EMC1: variants seen among roughly 807,000 people sequenced by gnomAD.
EMC1 encodes the protein ER membrane protein complex subunit 1.
In EMC1, 103 loss-of-function variants were observed where a neutral mutation model predicts 128.8. The observed-to-expected ratio is 0.80, with a 90% confidence interval of 0.68 to 0.94. EMC1 has a LOEUF of 0.94. Among genes scored for constraint, EMC1 ranks in the 40% least tolerant of loss-of-function variants. The probability of loss-of-function intolerance (pLI) is 0.00; values close to 1 mark genes in which losing one functional copy is unlikely to be tolerated. For synonymous variants in EMC1, 442 were observed against 490.4 expected (o/e 0.90, Z 1.30); for missense variants, 1,083 against 1,250.6 (o/e 0.87, Z 2.02).
chr1:19,246,000 T>C (rs2093630455), intron 1 of EMC1, among the ~76,000 whole-genome samples: 1 of 152,070 alleles, frequency 6.6e-6, no homozygotes, highest in South Asian at 2.1e-4. Context: ...GTGAGGCTAA[T>C]AATTTTCTCG....
rs932468087 is a variant in EMC1 at position 19,218,640 on chromosome 1, T to C, written c.*663A>G. On this transcript the variant is annotated 3_prime_UTR_variant, in exon 23 of 23. Coordinates refer to ENST00000477853, the MANE Select transcript of EMC1 (RefSeq NM_015047.3). ...TAGTATGCACTTGGCTTCTGATAAA[T>C]TGAAACAAAGATTTGGTGGCCCAGC... 1 of 150,496 alleles carries C rather than the reference T, an allele frequency of 6.6e-6. No homozygotes were observed. The highest frequency in any genetic ancestry group is 1.5e-5 in the Non-Finnish European group (1 of 67,018). The allele number at this position is 150,496 out of a possible 1,614,324, so 9.3% of individuals were successfully genotyped here. A position where few individuals can be genotyped will look rare whatever the true frequency, so the allele number is the denominator to read the frequency against.
intron 8 of EMC1, chr1:19,239,551 C>T (rs2093590882): frequency 1.7e-6 from 1 of 585,682 alleles, no homozygotes; most frequent in Admixed American, 3.1e-5. Flanking sequence ...TTCTTACTAT[C>T]TATGGGGAAG....
intron 20 of EMC1, among the ~76,000 whole-genome samples, chr1:19,222,188 G>A (rs553464345): frequency 4.8e-4 from 73 of 150,566 alleles, no homozygotes; most frequent in African/African-American, 1.6e-3. Context: ...AGCCAGGCAC[G>A]ATGGCTCACA....
Position 19,216,663 on chromosome 1 carries a change from C to T in EMC1, c.*2640G>A, listed in dbSNP as rs1046557245. The T allele has an allele frequency of 2.6e-5, 4 of 152,136 alleles. No individual in the cohort carries two copies. The highest frequency in any genetic ancestry group is 1.9e-4 in the East Asian group (1 of 5,196). The allele number at this position is 152,136 out of a possible 1,614,324, so 9.4% of individuals were successfully genotyped here. On this transcript the variant is annotated 3_prime_UTR_variant, in exon 23 of 23. Coordinates refer to ENST00000477853, the MANE Select transcript of EMC1 (RefSeq NM_015047.3). ...ACACTAGACTACCAGTGCTCATATA[C>T]GTAATTAATGAATACTAAAACAAAC...
At chr1:19,233,231 G>C in intron 13 of EMC1, 96 bp from the exon 14 acceptor site, 1 of 1,079,662 alleles carries the variant, frequency 9.3e-7, no homozygotes, top group East Asian at 2.4e-5. Context: ...CTCTCCTCTG[G>C]AGCAATAAAG....
Position 19,232,931 on chromosome 1 carries a change from C to T in EMC1, c.1632+5G>A. 1.2e-6 allele frequency: 2 copies of T among 1,613,860 alleles called. No homozygotes were observed. The highest frequency in any genetic ancestry group is 1.7e-6 in the Non-Finnish European group (2 of 1,179,814). ...TTCAGTAACTGGAGCTTAAACCCCACTCACCTTGCCTGAGGCTGTTACCAT... is the reference window on the plus strand; with the variant it reads ...TTCAGTAACTGGAGCTTAAACCCCATTCACCTTGCCTGAGGCTGTTACCAT... On this transcript the variant is annotated splice_donor_5th_base_variant and intron_variant, in intron 14 of 22. Transcript: ENST00000477853.
intron 12 of EMC1, 51 bp downstream of exon 12, chr1:19,237,091 C>T (rs1455115322): frequency 7.7e-7 from 1 of 1,300,162 alleles, no homozygotes; most frequent in Non-Finnish European, 1.1e-6. Flanking sequence ...GATTGGAACA[C>T]ATTGGAAGGC....
chr1:19,245,106 C>A, intron 1 of EMC1, 76 bp from the exon 2 acceptor site: 1 of 1,508,796 alleles, frequency 6.6e-7, no homozygotes, highest in Non-Finnish European at 9.2e-7. Flanking sequence ...AAAAAAATCA[C>A]AGGGCTATCA....
chr1:19,227,381 C>T lies in EMC1; in HGVS notation c.2134G>A (p.Gly712Arg). 1 of 1,614,210 alleles carries T rather than the reference C, an allele frequency of 6.2e-7. No homozygotes were observed. The highest frequency in any genetic ancestry group is 8.5e-7 in the Non-Finnish European group (1 of 1,180,036). Residue 712 changes from glycine (G) to arginine (R), a missense_variant, in exon 18 of 23, where the codon GGG becomes AGG. Physicochemically the swap from Gly to Arg is moderately radical, Grantham distance 125 (BLOSUM62 -2). Around this residue, in one of 3 missense-constraint regions of EMC1, gnomAD observed 527 missense variants for 644.1 expected, o/e 0.82. Transcript: ENST00000477853. Reference sequence around the variant, plus strand: ...TGAACGTGCTCACTGCTGCGTTTCCCCTTCACCTTGACGATCCGCTGTACT... The same window carrying T: ...TGAACGTGCTCACTGCTGCGTTTCCTCTTCACCTTGACGATCCGCTGTACT... The part of the protein sequence containing the change: ...PEVQRIVKVK[G>R]KRSSEHVHSQ...
intron 10 of EMC1, 120 bp from the exon 11 acceptor site, chr1:19,238,259 A>G: frequency 9.0e-7 from 1 of 1,109,186 alleles, no homozygotes. Flanking sequence ...AAGGGGAAAT[A>G]TATGCAAAGG....
chr1:19,248,311 C>T (rs182727156), intron 1 of EMC1, among the ~76,000 whole-genome samples: 3 of 152,230 alleles, frequency 2.0e-5, no homozygotes, highest in Admixed American at 1.3e-4. Context: ...GATCCTCCCA[C>T]CTCAGCCTCC....
chr1:19,236,465 T>G (rs1284824740), intron 12 of EMC1, among the ~76,000 whole-genome samples: 1 of 148,808 alleles, frequency 6.7e-6, no homozygotes, highest in African/African-American at 2.5e-5. Flanking sequence ...GAGACCAGCC[T>G]GACAAACATG....
chr1:19,237,831 T>C (rs966861838), intron 11 of EMC1, among the ~76,000 whole-genome samples, 186 bp downstream of exon 11: 2 of 152,204 alleles, frequency 1.3e-5, no homozygotes, highest in Non-Finnish European at 2.9e-5. Context: ...TGGTGCACAA[T>C]GATGAGCTGG....
Position 19,230,912 on chromosome 1 carries a change from C to T in EMC1, c.1996G>A (p.Ala666Thr), listed in dbSNP as rs1363176605. The T allele has an allele frequency of 6.2e-7, 1 of 1,614,162 alleles. No individual in the cohort carries two copies. The highest frequency in any genetic ancestry group is 1.1e-5 in the South Asian group (1 of 91,080). ...ACCAAATAGAAGAAGATGGAAGGGG[C>T]AAGCTCATGTAGCTGTCGCAAGACA... ...RNVLRQLHEL[A>T]PSIFFYLVDA... Residue 666 changes from alanine (A) to threonine (T), a missense_variant, in exon 17 of 23, where the codon GCC (alanine) becomes ACC (threonine). Transcript: ENST00000477853.
At chr1:19,226,530 T>C (rs1419603654) in intron 18 of EMC1, among the ~76,000 whole-genome samples, 1 of 152,108 alleles carries the variant, frequency 6.6e-6, no homozygotes, top group Non-Finnish European at 1.5e-5. Flanking sequence ...CTCTATCTTC[T>C]ACAAAAATAA....
chr1:19,220,424 T>G (rs2093422709), intron 21 of EMC1: 1 of 180,180 alleles, frequency 5.6e-6, no homozygotes, highest in African/African-American at 2.4e-5. Flanking sequence ...AGGCCTTCAC[T>G]CAAAATGCAC....
chr1:19,224,486 C>T (rs147040725), intron 18 of EMC1, among the ~76,000 whole-genome samples: 78 of 152,278 alleles, frequency 5.1e-4, no homozygotes, highest in Non-Finnish European at 6.3e-4. Context: ...CCTAAAGCCT[C>T]GAGTTATCCT....
rs747608842 is a variant in EMC1, at chr1:19,243,912, C to G, written c.286+38G>C. ...AGGAGCCAAGGAATGGGACAGGGAG[C>G]TGGCCGCACAATGGAGACACGGGAG... On this transcript the variant is annotated intron_variant, in intron 3 of 22. Coordinates refer to ENST00000477853, the MANE Select transcript of EMC1 (RefSeq NM_015047.3). The G allele has an allele frequency of 2.5e-6, 4 of 1,608,312 alleles. No homozygotes were observed. In the Admixed American group the frequency reaches 5.0e-5, roughly 20 times the overall value.
chr1:19,219,567 AC>A lies in EMC1; in HGVS notation c.2802+1del, dbSNP rs2093415655. 4 of 1,613,940 alleles carry A rather than the reference AC, an allele frequency of 2.5e-6. No individual in the cohort carries two copies. The highest frequency in any genetic ancestry group is 3.4e-6 in the Non-Finnish European group (4 of 1,180,000). ...AATAGGGCAGCTGTGGGCTCTACTC[AC>A]CAAACAAGTGGACTCCAGACCCGAG... On this transcript the variant is annotated splice_donor_variant, in intron 22 of 22. Coordinates refer to ENST00000477853, the MANE Select transcript of EMC1 (RefSeq NM_015047.3). LOFTEE classifies it high-confidence loss of function.
Sources: gnomAD v4.1 joint callset for allele counts (sites outside exome capture counted in the v4.1 genomes callset) on GRCh38, gnomAD v4.1.1 for gene constraint, gnomAD v4.1.1 regional missense constraint, MANE v1.5 for transcripts, NCBI Gene and HGNC (gene_info 2026-07-23, HGNC 2026-07-21) for gene names.